Variants in CDH4 observed in about 807,000 individuals in gnomAD.
The protein encoded by CDH4 is cadherin 4.
In CDH4, 33 loss-of-function variants were observed where a neutral mutation model predicts 86.0. That is an observed-to-expected ratio of 0.38 (90% CI 0.29 to 0.51). The LOEUF (loss-of-function observed/expected upper bound fraction) is 0.51. CDH4 is among the 20% of genes least tolerant of loss of function. CDH4 has a pLI of 0.86. For missense variants in CDH4, 1,114 were observed against 1,307.4 expected (o/e 0.85, Z 2.28); for synonymous variants, 555 against 549.4 (o/e 1.01, Z -0.14).
intron 2 of CDH4, among the ~76,000 whole-genome samples, chr20:61,598,436 T>C (rs1436962813): frequency 7.0e-6 from 1 of 143,052 alleles, no homozygotes; most frequent in African/African-American, 2.7e-5. Flanking sequence ...TGCTCCTCCC[T>C]CCTTCCGTAC....
Position 61,312,922 on chromosome 20 carries a change from G to T in CDH4, c.169+57985G>T, listed in dbSNP as rs140865693. 6.1e-3 allele frequency among the ~76,000 whole-genome samples: 933 copies of T among 152,246 alleles called. 4 individuals carry two copies. The highest frequency in any genetic ancestry group is 0.01 in the Non-Finnish European group (698 of 68,016). ...AGCGAGCTTGCCTGGGATTGCAGGG[G>T]TGCTCGGCAGGTCCTCTCCCTCGAT... On this transcript the variant is annotated intron_variant, in intron 2 of 15. Coordinates refer to ENST00000614565, the MANE Select transcript of CDH4 (RefSeq NM_001794.5).
Position 61,480,662 on chromosome 20 carries a change from C to G in CDH4, c.169+225725C>G, listed in dbSNP as rs2085563694. Among the ~76,000 whole-genome samples the G allele has an allele frequency of 1.3e-5, 2 of 152,212 alleles. No homozygotes were observed. The highest frequency in any genetic ancestry group is 4.1e-4 in the South Asian group (2 of 4,834). On this transcript the variant is annotated intron_variant, in intron 2 of 15. Coordinates refer to ENST00000614565, the MANE Select transcript of CDH4 (RefSeq NM_001794.5). This position sits in a 1 kb window ranked among gnomAD's most constrained non-coding sequence, Gnocchi z 5.2. The stretch of plus-strand genomic sequence containing the variant: ...GGGCTGAGCCAGGGCAGGTGAGCAT[C>G]TCCCCAAGAGCACTGTGTGGGCATC...
At chr20:61,935,136 T>TCTAGTCGGC (rs2055167005) in intron 15 of CDH4, among the ~76,000 whole-genome samples, 1 of 152,120 alleles carries the variant, frequency 6.6e-6, no homozygotes, top group African/African-American at 2.4e-5. Context: ...CCGTGCTGCT[T>TCTAGTCGGC]CTAGTCGGCG....
chr20:61,288,145 T>C (rs777858133), intron 2 of CDH4, among the ~76,000 whole-genome samples: 105 of 151,992 alleles, frequency 6.9e-4, no homozygotes, highest in Non-Finnish European at 1.4e-3. Context: ...TTTTACCAAG[T>C]AGAACGCATT....
At chr20:61,512,927 A>G (rs2085790918) in intron 2 of CDH4, among the ~76,000 whole-genome samples, 1 of 152,214 alleles carries the variant, frequency 6.6e-6, no homozygotes, top group South Asian at 2.1e-4. Flanking sequence ...TTTTGGGCCA[A>G]TTACAAATTC....
chr20:61,296,395 C>T (rs1376877408), intron 2 of CDH4, among the ~76,000 whole-genome samples: 2 of 151,834 alleles, frequency 1.3e-5, no homozygotes, highest in East Asian at 1.9e-4. Context: ...CTGCAGGCCA[C>T]GGGCCATGCT....
In CDH4 at chr20:61,491,678, A is replaced by T. The variant is rs1374891476; in HGVS notation, c.169+236741A>T. On this transcript the variant is annotated intron_variant, in intron 2 of 15. Transcript: ENST00000614565. ...TCCTCTGTTTTCGTTGGTGGTATTG[A>T]TGCTAGTTGTGTTGATGTTGATGCT... Among the ~76,000 whole-genome samples the T allele has an allele frequency of 2.0e-5, 3 of 152,232 alleles. No homozygotes were observed. The East Asian group carries it at 5.8e-4, about 29-fold the overall frequency.
intron 4 of CDH4, among the ~76,000 whole-genome samples, chr20:61,843,872 A>T (rs899704699): frequency 3.3e-5 from 5 of 152,118 alleles, no homozygotes; most frequent in African/African-American, 9.6e-5. Flanking sequence ...TCTCAGTTTC[A>T]CCTTTCAAAT....
At chr20:61,588,961 G>A (rs141960893) in intron 2 of CDH4, among the ~76,000 whole-genome samples, 44 of 152,294 alleles carry the variant, frequency 2.9e-4, no homozygotes, top group Non-Finnish European at 5.4e-4. Flanking sequence ...AAAAACACAC[G>A]CGGAGATAAA....
At chr20:61,898,503 G>T (rs1287987824) in intron 8 of CDH4, among the ~76,000 whole-genome samples, 1 of 152,142 alleles carries the variant, frequency 6.6e-6, no homozygotes, top group Admixed American at 6.5e-5. Flanking sequence ...ACACCGATGG[G>T]TCCTGCAGTG....
intron 2 of CDH4, among the ~76,000 whole-genome samples, chr20:61,539,550 C>T (rs1164720134): frequency 2.0e-5 from 3 of 152,184 alleles, no homozygotes; most frequent in Non-Finnish European, 4.4e-5. Context: ...ACCCTAATGG[C>T]CTGATTTTGC....
chr20:61,538,059 C>T (rs2086011028), intron 2 of CDH4, among the ~76,000 whole-genome samples: 1 of 152,166 alleles, frequency 6.6e-6, no homozygotes. Flanking sequence ...TAATTATGTA[C>T]AAAGCCAGGC....
intron 2 of CDH4, among the ~76,000 whole-genome samples, chr20:61,357,970 C>T (rs527302501): frequency 8.1e-4 from 123 of 152,150 alleles, no homozygotes; most frequent in African/African-American, 2.8e-3. Flanking sequence ...CAGGGCGTGG[C>T]GGGGAGAACG....
intron 2 of CDH4, among the ~76,000 whole-genome samples, chr20:61,493,490 G>A (rs1181294276): frequency 6.6e-6 from 1 of 152,224 alleles, no homozygotes; most frequent in African/African-American, 2.4e-5. Flanking sequence ...CTGATGCGCT[G>A]CCTTAGGCAA....
intron 2 of CDH4, among the ~76,000 whole-genome samples, chr20:61,382,483 G>C (rs972747821): frequency 2.6e-5 from 4 of 152,196 alleles, no homozygotes; most frequent in African/African-American, 9.6e-5. Flanking sequence ...TCTGCCATGG[G>C]CCCTCCTGAA....
At chr20:61,481,167 C>A (rs572055403) in intron 2 of CDH4, among the ~76,000 whole-genome samples, 1 of 152,132 alleles carries the variant, frequency 6.6e-6, no homozygotes, top group African/African-American at 2.4e-5. Context: ...GCAGTTTCAC[C>A]CCCCAGGGAA....
intron 2 of CDH4, among the ~76,000 whole-genome samples, chr20:61,288,373 G>A (rs997020027): frequency 8.5e-5 from 13 of 152,192 alleles, no homozygotes; most frequent in African/African-American, 2.4e-4. Context: ...GACAGCCAGC[G>A]TTCAAAGCGG....
chr20:61,799,517 G>A (rs1196681029), intron 4 of CDH4, among the ~76,000 whole-genome samples: 2 of 152,200 alleles, frequency 1.3e-5, no homozygotes, highest in South Asian at 2.1e-4. Context: ...GCGTTTCCAG[G>A]TGGGTTGGCA....
At chr20:61,486,684 G>A (rs533155464) in intron 2 of CDH4, among the ~76,000 whole-genome samples, 2 of 152,102 alleles carry the variant, frequency 1.3e-5, no homozygotes, top group South Asian at 2.1e-4. Context: ...GAGTCTAGGG[G>A]TTCGAGACTA....
Sources: gnomAD v4.1 joint callset for allele counts (sites outside exome capture counted in the v4.1 genomes callset) on GRCh38, gnomAD v4.1.1 for gene constraint, Gnocchi (gnomAD v3.1) non-coding constraint, MANE v1.5 for transcripts, NCBI Gene and HGNC (gene_info 2026-07-23, HGNC 2026-07-21) for gene names.